WASHC5: variants seen among roughly 807,000 people sequenced by gnomAD.
WASHC5 encodes the protein WASH complex subunit 5.
In WASHC5, 101 loss-of-function variants were observed where a neutral mutation model predicts 150.4. The observed-to-expected ratio is 0.67, with a 90% CI of 0.57 to 0.79. The LOEUF (loss-of-function observed/expected upper bound fraction) is 0.79, where lower values mean the gene tolerates loss of function less well. WASHC5 is among the 30% of genes least tolerant of loss of function. The pLI is 0.00. For synonymous variants in WASHC5, 467 were observed against 491.2 expected, an observed-to-expected ratio of 0.95 and a Z score of 0.65; for missense variants, 1,195 against 1,396.3, an observed-to-expected ratio of 0.86 and a Z score of 2.30.
At chr8:125,088,575 G>C (rs571499769) in intron 1 of WASHC5, among the ~76,000 whole-genome samples, 2 of 152,100 alleles carry the variant, frequency 1.3e-5, no homozygotes, top group Admixed American at 1.3e-4. Context: ...CATGGTGTGA[G>C]AGAGCCCTGG....
intron 27 of WASHC5, 128 bp downstream of exon 27, chr8:125,032,113 G>T: frequency 9.2e-7 from 1 of 1,085,990 alleles, no homozygotes; most frequent in Non-Finnish European, 1.4e-6. Flanking sequence ...GCCCTGACTT[G>T]CTTTACAGAG....
chr8:125,032,310 G>T lies in WASHC5; in HGVS notation c.3266C>A (p.Ser1089Tyr), dbSNP rs1815566068. The T allele has an allele frequency of 6.2e-7, 1 of 1,614,050 alleles. No individual in the cohort carries two copies. The change falls in exon 27 of 29, where the codon TCC (serine) becomes TAC (tyrosine). Residue 1089 changes from serine to tyrosine, a missense_variant. By Grantham distance (144) the Ser-to-Tyr change is moderately radical (BLOSUM62 -2). This residue lies in a region of WASHC5 where 997 missense variants were observed against 1,168.1 expected (regional missense o/e 0.85). Coordinates refer to ENST00000318410, the MANE Select transcript of WASHC5 (RefSeq NM_014846.4). ...GLLTLLKQFH[S>Y]RYTEQFLALI... ...CGCCAGGAACTGCTCGGTGTACCGG[G>T]AATGGAACTGCTTCAGCAGAGTGAG...
At chr8:125,028,804 A>T (rs1815444567) in intron 27 of WASHC5, 97 bp from the exon 28 acceptor site, 1 of 805,952 alleles carries the variant, frequency 1.2e-6, no homozygotes, top group Non-Finnish European at 2.2e-6. Context: ...CAGATTACCT[A>T]ATGAAGTCAA....
intron 23 of WASHC5, among the ~76,000 whole-genome samples, chr8:125,040,381 T>C (rs999797105): frequency 6.6e-6 from 1 of 152,236 alleles, no homozygotes; most frequent in African/African-American, 2.4e-5. Flanking sequence ...CTCAGGATTA[T>C]AGGTTCTATA....
At chr8:125,047,154 C>A in intron 20 of WASHC5, 53 bp downstream of exon 20, 17 of 1,609,108 alleles carry the variant, frequency 1.1e-5, no homozygotes, top group Non-Finnish European at 1.4e-5. Context: ...GCCACAGATG[C>A]AGATGAGACT....
At chr8:125,049,605 G>A (rs1246147328) in intron 18 of WASHC5, among the ~76,000 whole-genome samples, 1 of 151,424 alleles carries the variant, frequency 6.6e-6, no homozygotes, top group African/African-American at 2.4e-5. Flanking sequence ...TCGGCACTCT[G>A]GGAGGCTGAG....
chr8:125,068,694 G>A (rs916227256), intron 9 of WASHC5, among the ~76,000 whole-genome samples: 3 of 152,172 alleles, frequency 2.0e-5, no homozygotes, highest in Non-Finnish European at 4.4e-5. Context: ...ACAAGAAGCA[G>A]CAGACCTCTG....
chr8:125,032,119 C>T lies in WASHC5; in HGVS notation c.3335+122G>A, dbSNP rs189972777. On this transcript the variant is annotated intron_variant, in intron 27 of 28. Transcript: ENST00000318410. ...AGGAGGTATGCCCTGACTTGCTTTA[C>T]AGAGAAGGGTGAGCAACCATTTCCC... is the stretch of plus-strand genomic sequence containing the variant. The T allele has an allele frequency of 3.9e-4, 452 of 1,159,696 alleles. No homozygotes were observed. The African/African-American group carries it at 6.0e-3, about 15-fold the overall frequency. The allele number at this position is 1,159,696 out of a possible 1,614,324, so 71.8% of individuals were successfully genotyped here. A position where few individuals can be genotyped will look rare whatever the true frequency, so the allele number is the denominator to read the frequency against.
chr8:125,036,090 T>C (rs891401602), intron 26 of WASHC5, among the ~76,000 whole-genome samples: 1 of 152,254 alleles, frequency 6.6e-6, no homozygotes, highest in African/African-American at 2.4e-5. Context: ...GTCTCTTGTT[T>C]GTACAGAATA....
chr8:125,076,578 T>C (rs1040910439), intron 6 of WASHC5, 78 bp from the exon 7 acceptor site: 2 of 1,544,438 alleles, frequency 1.3e-6, no homozygotes, highest in Admixed American at 1.7e-5. Flanking sequence ...AACTCTCTGG[T>C]TGTAAGACAC....
At chr8:125,034,853 C>A (rs16900241) in intron 26 of WASHC5, among the ~76,000 whole-genome samples, 2,943 of 152,262 alleles carry the variant, frequency 0.019, 105 homozygotes, top group African/African-American at 0.067. Context: ...ATGTTAACAA[C>A]AAACACTTCT....
intron 28 of WASHC5, among the ~76,000 whole-genome samples, chr8:125,024,881 G>A (rs1815331569): frequency 6.6e-6 from 1 of 151,850 alleles, no homozygotes; most frequent in Non-Finnish European, 1.5e-5. Context: ...ACATTTGAGG[G>A]GATGCAGTAC....
In WASHC5 at chr8:125,037,272, G is replaced by C; in HGVS notation, c.3146C>G (p.Ala1049Gly). The change falls in exon 26 of 29, where the codon GCT (alanine) becomes GGT (glycine). Residue 1049 changes from alanine to glycine, a missense_variant. Ala to Gly is a moderately conservative substitution (Grantham distance 60). Coordinates refer to ENST00000318410, the MANE Select transcript of WASHC5 (RefSeq NM_014846.4). ...FPIVNFLFLI[A>G]QLPKLQYNKN... ...GTTGTATTGAAGTTTTGGCAACTGA[G>C]CGATCAAAAATAGAAAGTTTACAAT... The C allele has an allele frequency of 6.2e-7, 1 of 1,612,328 alleles. No homozygotes were observed. The highest frequency in any genetic ancestry group is 8.5e-7 in the Non-Finnish European group (1 of 1,178,492).
intron 10 of WASHC5, among the ~76,000 whole-genome samples, chr8:125,065,219 T>A (rs949677469): frequency 2.0e-5 from 3 of 152,222 alleles, no homozygotes; most frequent in Admixed American, 2.0e-4. Flanking sequence ...AGTGACTCTA[T>A]GAACTGTGCA....
chr8:125,080,107 A>C (rs1481801309), intron 5 of WASHC5, among the ~76,000 whole-genome samples: 2 of 152,200 alleles, frequency 1.3e-5, no homozygotes, highest in Admixed American at 6.5e-5. Flanking sequence ...AGAATCTTAG[A>C]CTTGGATATG....
At chr8:125,065,193 T>C (rs1218522516) in intron 10 of WASHC5, among the ~76,000 whole-genome samples, 1 of 152,182 alleles carries the variant, frequency 6.6e-6, no homozygotes, top group African/African-American at 2.4e-5. Context: ...TTACTGTGTC[T>C]ATAGGATAGT....
chr8:125,039,970 A>G, intron 23 of WASHC5, 72 bp from the exon 24 acceptor site: 1 of 955,328 alleles, frequency 1.0e-6, no homozygotes, highest in South Asian at 1.3e-5. Context: ...AGGTAAACAC[A>G]AAGATGACAA....
intron 12 of WASHC5, among the ~76,000 whole-genome samples, chr8:125,060,494 A>G (rs907595021): frequency 6.6e-6 from 1 of 152,178 alleles, no homozygotes; most frequent in Non-Finnish European, 1.5e-5. Context: ...TCAAAAAAAA[A>G]AAAAAGAGTT....
chr8:125,052,839 C>T (rs1479992643), intron 17 of WASHC5, among the ~76,000 whole-genome samples: 6 of 152,062 alleles, frequency 3.9e-5, no homozygotes, highest in East Asian at 1.9e-4. Context: ...CCAATAAAAT[C>T]GTCGTAAGTT....
Sources: allele counts gnomAD v4.1 joint callset (sites outside exome capture counted in the v4.1 genomes callset), GRCh38; gene constraint gnomAD v4.1.1; regional missense constraint gnomAD v4.1.1; transcripts MANE v1.5; gene names NCBI Gene and HGNC (gene_info 2026-07-23, HGNC 2026-07-21).